PTPRK: variants seen among roughly 807,000 people sequenced by gnomAD.
PTPRK encodes receptor-type tyrosine-protein phosphatase kappa.
In PTPRK, 75 loss-of-function variants were observed where a neutral mutation model predicts 178.0. That is an observed-to-expected ratio of 0.42 (90% CI 0.35 to 0.51). The LOEUF is 0.51. Among genes scored for constraint, PTPRK ranks in the 20% least tolerant of loss-of-function variants. The pLI is 0.02. For synonymous variants in PTPRK, 637 were observed against 620.6 expected, an observed-to-expected ratio of 1.03 and a Z score of -0.39; for missense variants, 1,441 against 1,797.8, an observed-to-expected ratio of 0.80 and a Z score of 3.59.
At chr6:127,972,868 G>T (rs1386808885) in intron 29 of PTPRK, among the ~76,000 whole-genome samples, 154 bp downstream of exon 29, 1 of 152,126 alleles carries the variant, frequency 6.6e-6, no homozygotes, top group Non-Finnish European at 1.5e-5. Context: ...GGTAGAGGGG[G>T]ATGCTCAGCA....
chr6:128,095,305 G>T (rs1183858551), intron 7 of PTPRK, among the ~76,000 whole-genome samples: 1 of 152,096 alleles, frequency 6.6e-6, no homozygotes, highest in African/African-American at 2.4e-5. Context: ...TTTATAAATT[G>T]TCAACTTATA....
At chr6:128,374,684 C>T (rs574428136) in intron 2 of PTPRK, among the ~76,000 whole-genome samples, 1 of 152,240 alleles carries the variant, frequency 6.6e-6, no homozygotes, top group African/African-American at 2.4e-5. Flanking sequence ...ATCACAACTG[C>T]CTAATAGCTA....
intron 7 of PTPRK, among the ~76,000 whole-genome samples, chr6:128,163,952 A>G (rs983841607): frequency 1.3e-5 from 2 of 151,408 alleles, no homozygotes; most frequent in Non-Finnish European, 3.0e-5. Flanking sequence ...ATTTTCTTGT[A>G]CAAGTTCTCC....
chr6:128,297,087 A>G (rs1824583195), intron 3 of PTPRK, among the ~76,000 whole-genome samples: 1 of 151,700 alleles, frequency 6.6e-6, no homozygotes, highest in African/African-American at 2.4e-5. Flanking sequence ...AGTCTCGGAT[A>G]AAACAGACTT....
intron 3 of PTPRK, among the ~76,000 whole-genome samples, chr6:128,264,133 C>T (rs901449003): frequency 3.9e-5 from 6 of 152,276 alleles, no homozygotes; most frequent in African/African-American, 1.4e-4. Flanking sequence ...GGGGGGTCCT[C>T]CCCACATCTG....
At chr6:127,981,555 T>C (rs899703985) in intron 24 of PTPRK, among the ~76,000 whole-genome samples, 1 of 152,166 alleles carries the variant, frequency 6.6e-6, no homozygotes, top group African/African-American at 2.4e-5. Context: ...GCAAAATGCA[T>C]TGCCTTAACC....
rs1776519502 is a variant in PTPRK at position 127,990,773 on chromosome 6, T to G, written c.3092A>C (p.Glu1031Ala). 5 of 1,583,458 alleles carry G rather than the reference T, an allele frequency of 3.2e-6. No individual in the cohort carries two copies. Among genetic ancestry groups the G allele is most frequent in the Non-Finnish European group, 4.3e-6 (5 of 1,153,146 alleles). ...AEYVVRTFTLERRGYNEIREV... is the reference protein window; with the variant it reads ...AEYVVRTFTLARRGYNEIREV... ...ATAGAATTTTAGAGTACTTACCCTT[T>G]CCAGGGTGAATGTCCTAACTACATA... The change falls in exon 21 of 30, where the codon GAA becomes GCA. Residue 1031 changes from glutamate to alanine, a missense_variant. Physicochemically the swap from Glu to Ala is moderately radical, Grantham distance 107. Coordinates refer to ENST00000368226, the MANE Select transcript of PTPRK (RefSeq NM_002844.4).
intron 7 of PTPRK, among the ~76,000 whole-genome samples, chr6:128,144,990 T>C (rs1437827752): frequency 1.3e-5 from 2 of 152,186 alleles, no homozygotes; most frequent in Non-Finnish European, 2.9e-5. Flanking sequence ...AATACTGTGG[T>C]GACAGTAAAT....
At chr6:128,273,058 A>C (rs967266933) in intron 3 of PTPRK, among the ~76,000 whole-genome samples, 11 of 152,228 alleles carry the variant, frequency 7.2e-5, no homozygotes, top group African/African-American at 2.7e-4. Context: ...TGTCCTTTGT[A>C]GGGACATGGA....
intron 6 of PTPRK, among the ~76,000 whole-genome samples, chr6:128,188,911 G>T (rs1478696057): frequency 1.3e-5 from 2 of 152,054 alleles, no homozygotes; most frequent in African/African-American, 4.8e-5. Context: ...ATTGCAGTTA[G>T]GCCCCATATG....
intron 3 of PTPRK, among the ~76,000 whole-genome samples, chr6:128,258,338 C>G (rs1817655182): frequency 6.6e-6 from 1 of 152,042 alleles, no homozygotes; most frequent in African/African-American, 2.4e-5. Flanking sequence ...AAATATGTTA[C>G]ATAAAACTGA....
intron 5 of PTPRK, among the ~76,000 whole-genome samples, chr6:128,227,716 A>G (rs968789295): frequency 1.3e-5 from 2 of 152,244 alleles, no homozygotes; most frequent in South Asian, 2.1e-4. Flanking sequence ...AAATATGTCC[A>G]TAAAACAGAT....
At chr6:128,036,759 G>A (rs1431406578) in intron 13 of PTPRK, among the ~76,000 whole-genome samples, 1 of 150,484 alleles carries the variant, frequency 6.6e-6, no homozygotes, top group African/African-American at 2.4e-5. Flanking sequence ...TTTTAAGATG[G>A]AGCTTCGCTC....
intron 7 of PTPRK, among the ~76,000 whole-genome samples, chr6:128,163,064 C>T (rs17055398): frequency 0.032 from 4,875 of 150,596 alleles, 108 homozygotes; most frequent in Non-Finnish European, 0.046. Flanking sequence ...TTTTTCCTAC[C>T]AAGAAATATT....
intron 6 of PTPRK, among the ~76,000 whole-genome samples, chr6:128,187,570 T>C (rs979170672): frequency 1.1e-4 from 16 of 152,208 alleles, no homozygotes; most frequent in Admixed American, 5.2e-4. Context: ...ATATAGCATA[T>C]ACATTTTAAC....
At chr6:128,314,207 T>C (rs1422881664) in intron 3 of PTPRK, among the ~76,000 whole-genome samples, 1 of 152,196 alleles carries the variant, frequency 6.6e-6, no homozygotes, top group Non-Finnish European at 1.5e-5. Flanking sequence ...TTTTAAATTT[T>C]AATTATTTCT....
At chr6:128,002,430 C>T (rs1416513870) in intron 15 of PTPRK, among the ~76,000 whole-genome samples, 1 of 151,756 alleles carries the variant, frequency 6.6e-6, no homozygotes, top group Non-Finnish European at 1.5e-5. Flanking sequence ...AACATACAGG[C>T]AAGCTGATTA....
chr6:128,304,771 T>C (rs552919708), intron 3 of PTPRK, among the ~76,000 whole-genome samples: 1 of 152,346 alleles, frequency 6.6e-6, no homozygotes, highest in Non-Finnish European at 1.5e-5. Flanking sequence ...CATTTTCACA[T>C]ACAATCAGCA....
intron 3 of PTPRK, among the ~76,000 whole-genome samples, chr6:128,308,145 G>A (rs970613324): frequency 1.3e-5 from 2 of 151,656 alleles, no homozygotes; most frequent in South Asian, 4.2e-4. Flanking sequence ...AAAAAAAATC[G>A]AGTAGCCAAA....
Sources: allele counts gnomAD v4.1 joint callset (sites outside exome capture counted in the v4.1 genomes callset), GRCh38; gene constraint gnomAD v4.1.1; transcripts MANE v1.5; gene names NCBI Gene and HGNC (gene_info 2026-07-23, HGNC 2026-07-21).